Variants in GRIK2 observed in about 807,000 individuals in gnomAD.
GRIK2 encodes glutamate ionotropic receptor kainate type subunit 2, also known as glutamate receptor ionotropic, kainate 2.
A neutral mutation model predicts 100.3 loss-of-function variants in GRIK2; 32 were observed. The observed-to-expected ratio is 0.32, with a 90% CI of 0.24 to 0.43. GRIK2 has a LOEUF of 0.43. Among genes scored for constraint, GRIK2 ranks in the 20% least tolerant of loss-of-function variants. GRIK2 has a pLI of 1.00. For synonymous variants in GRIK2, 417 were observed against 389.4 expected (o/e 1.07, Z -0.83); for missense variants, 843 against 1,114.9 (o/e 0.76, Z 3.47).
At chr6:101,546,121 A>T (rs1043438484) in intron 2 of GRIK2, among the ~76,000 whole-genome samples, 1 of 152,140 alleles carries the variant, frequency 6.6e-6, no homozygotes, top group Admixed American at 6.5e-5. Context: ...AAGTGCCTGG[A>T]TTATTTCTGC....
At chr6:101,554,368 A>G (rs1470397634) in intron 2 of GRIK2, among the ~76,000 whole-genome samples, 1 of 152,184 alleles carries the variant, frequency 6.6e-6, no homozygotes, top group African/African-American at 2.4e-5. Context: ...GACTAAAGTG[A>G]CTTTTTGTTC....
intron 7 of GRIK2, among the ~76,000 whole-genome samples, chr6:101,699,545 T>A (rs1354560683): frequency 6.6e-6 from 1 of 152,136 alleles, no homozygotes; most frequent in Non-Finnish European, 1.5e-5. Flanking sequence ...CTAACTCCAC[T>A]TGAGCATCCT....
chr6:101,911,115 A>C (rs1215124257), intron 12 of GRIK2, among the ~76,000 whole-genome samples: 6 of 151,460 alleles, frequency 4.0e-5, no homozygotes, highest in African/African-American at 9.7e-5. Flanking sequence ...GGGAGAAATG[A>C]GCTGGTAAGG....
intron 4 of GRIK2, among the ~76,000 whole-genome samples, chr6:101,626,954 GTACACA>G (rs201969577): frequency 0.012 from 1,869 of 151,414 alleles, 25 homozygotes; most frequent in South Asian, 0.04. Flanking sequence ...ACACACACAC[GTACACA>G]TACACATACA....
intron 9 of GRIK2, among the ~76,000 whole-genome samples, chr6:101,817,653 A>T (rs939599494): frequency 6.6e-6 from 1 of 152,192 alleles, no homozygotes; most frequent in South Asian, 2.1e-4. Context: ...GCATTATCTC[A>T]TAGTCTGTGT....
At chr6:101,508,845 G>A (rs749707799) in intron 2 of GRIK2, among the ~76,000 whole-genome samples, 1 of 152,084 alleles carries the variant, frequency 6.6e-6, no homozygotes, top group Non-Finnish European at 1.5e-5. Context: ...TGCCAAGTGT[G>A]AATTTTCCAT....
At chr6:101,476,463 G>A (rs2128258732) in intron 2 of GRIK2, among the ~76,000 whole-genome samples, 1 of 152,226 alleles carries the variant, frequency 6.6e-6, no homozygotes, top group African/African-American at 2.4e-5. Context: ...AGAACAAGTT[G>A]ATAGAGAGTG....
At chr6:101,920,075 T>TAATGGA (rs1789389179) in intron 12 of GRIK2, among the ~76,000 whole-genome samples, 1 of 151,832 alleles carries the variant, frequency 6.6e-6, no homozygotes, top group Non-Finnish European at 1.5e-5. Flanking sequence ...AATTACAATA[T>TAATGGA]AATGGAAAAG....
At chr6:101,543,036 C>T (rs1776079873) in intron 2 of GRIK2, among the ~76,000 whole-genome samples, 2 of 152,028 alleles carry the variant, frequency 1.3e-5, no homozygotes, top group Non-Finnish European at 2.9e-5. Flanking sequence ...TGGATTCTTT[C>T]CTGTGTGTGC....
chr6:101,691,828 C>T (rs1428228028), intron 7 of GRIK2, among the ~76,000 whole-genome samples: 2 of 151,828 alleles, frequency 1.3e-5, no homozygotes, highest in East Asian at 3.9e-4. Flanking sequence ...CTTGTATATA[C>T]ATCTTACAGC....
chr6:102,008,661 C>T (rs778097556), intron 14 of GRIK2, among the ~76,000 whole-genome samples: 21 of 152,026 alleles, frequency 1.4e-4, no homozygotes, highest in Non-Finnish European at 2.4e-4. Context: ...TCTTTTCCAA[C>T]TGTAAAATAT....
chr6:101,976,875 C>T (rs917678878), intron 14 of GRIK2, among the ~76,000 whole-genome samples: 1 of 150,520 alleles, frequency 6.6e-6, no homozygotes, highest in African/African-American at 2.4e-5. Context: ...TGTAGTTGTG[C>T]AGTAGAATGA....
At chr6:102,036,548 C>T (rs959753718) in intron 15 of GRIK2, among the ~76,000 whole-genome samples, 3 of 150,112 alleles carry the variant, frequency 2.0e-5, no homozygotes, top group Non-Finnish European at 3.0e-5. Flanking sequence ...GTCATAGTTA[C>T]GATGTGATTA....
chr6:102,020,207 A>G (rs555138123), intron 14 of GRIK2, among the ~76,000 whole-genome samples: 34 of 151,942 alleles, frequency 2.2e-4, no homozygotes, highest in Admixed American at 1.2e-3. Context: ...ACCCTTGCTT[A>G]TGACATAAGA....
At chr6:101,417,437 T>C (rs533230152) in intron 2 of GRIK2, among the ~76,000 whole-genome samples, 1 of 152,284 alleles carries the variant, frequency 6.6e-6, no homozygotes, top group African/African-American at 2.4e-5. Flanking sequence ...TCAGTCCCAT[T>C]TGAATAAGAT....
intron 4 of GRIK2, among the ~76,000 whole-genome samples, chr6:101,640,339 T>C (rs1781226256): frequency 6.6e-6 from 1 of 152,202 alleles, no homozygotes; most frequent in African/African-American, 2.4e-5. Context: ...ATCCTTGCTG[T>C]GGCCAAGAGG....
At chr6:101,445,192 G>T (rs1770307670) in intron 2 of GRIK2, among the ~76,000 whole-genome samples, 1 of 151,898 alleles carries the variant, frequency 6.6e-6, no homozygotes, top group Admixed American at 6.6e-5. Context: ...GCTTTCTCTT[G>T]CCATTGTATT....
chr6:101,611,783 C>T (rs1417706827), intron 2 of GRIK2, among the ~76,000 whole-genome samples: 1 of 151,778 alleles, frequency 6.6e-6, no homozygotes, highest in African/African-American at 2.4e-5. Context: ...TTTTGGGAAG[C>T]TGTCACCTAC....
chr6:101,952,648 G>T (rs190148253), intron 14 of GRIK2, among the ~76,000 whole-genome samples: 1 of 151,588 alleles, frequency 6.6e-6, no homozygotes, highest in Non-Finnish European at 1.5e-5. Context: ...CATCTCTCAG[G>T]CTGGAGTGCA....
Sources: allele counts gnomAD v4.1 joint callset (sites outside exome capture counted in the v4.1 genomes callset), GRCh38; gene constraint gnomAD v4.1.1; transcripts MANE v1.5; gene names NCBI Gene and HGNC (gene_info 2026-07-23, HGNC 2026-07-21).